The following CTNNA3 variants were observed in gnomAD, a reference collection of about 807,000 sequenced individuals.
The protein encoded by CTNNA3 is catenin alpha-3.
A neutral mutation model predicts 95.7 loss-of-function variants in CTNNA3; 76 were observed. The ratio of observed to expected loss-of-function variants is 0.79; its 90% confidence interval spans 0.66 to 0.96. The LOEUF is 0.96. Ranked by LOEUF, CTNNA3 falls within the 40% of genes least tolerant of loss-of-function variation. CTNNA3 has a pLI of 0.00. For missense variants in CTNNA3, 1,191 were observed against 1,089.8 expected (o/e 1.09, Z -1.31); for synonymous variants, 431 against 374.4 (o/e 1.15, Z -1.74).
At chr10:67,393,857 T>G (rs1423662086) in intron 5 of CTNNA3, among the ~76,000 whole-genome samples, 2 of 152,226 alleles carry the variant, frequency 1.3e-5, no homozygotes, top group East Asian at 3.9e-4. Flanking sequence ...TCTTCCAGAG[T>G]GCTTATTAGT....
chr10:67,702,731 C>G lies in CTNNA3; in HGVS notation c.-1-55217G>C, dbSNP rs867021200. 3.8e-4 allele frequency among the ~76,000 whole-genome samples: 58 copies of G among 151,958 alleles called. 1 individual carries two copies. In the Middle Eastern group the frequency reaches 0.01, roughly 27 times the overall value. On this transcript the variant is annotated intron_variant, in intron 1 of 17. Coordinates refer to the CTNNA3 transcript ENST00000684154. ...AATTAAAAGAACTAGAAAAGCAAGACCAAACACATTCAAAAGCTAGCAGAA... is the reference window on the plus strand; with the variant it reads ...AATTAAAAGAACTAGAAAAGCAAGAGCAAACACATTCAAAAGCTAGCAGAA...
chr10:66,408,321 A>T (rs2093073856), intron 11 of CTNNA3, among the ~76,000 whole-genome samples: 1 of 152,166 alleles, frequency 6.6e-6, no homozygotes, highest in Non-Finnish European at 1.5e-5. Flanking sequence ...TATTTTCCAA[A>T]TGGTGGCCTT....
chr10:66,688,846 C>T lies in CTNNA3; in HGVS notation c.1282-67062G>A, dbSNP rs184317201. Among the ~76,000 whole-genome samples, 1,125 of 151,316 alleles carry T rather than the reference C, an allele frequency of 7.4e-3. 15 individuals carry two copies. The highest frequency in any genetic ancestry group is 0.026 in the African/African-American group (1,068 of 41,090). ...AAAATTAGCCGGGCGTGGTGGCGGG[C>T]GCCTGTAATCCCAGCTACTGAGGAG... On this transcript the variant is annotated intron_variant, in intron 9 of 17. Transcript: ENST00000433211.
At chr10:66,072,606 A>C (rs1407888027) in intron 14 of CTNNA3, among the ~76,000 whole-genome samples, 1 of 151,860 alleles carries the variant, frequency 6.6e-6, no homozygotes, top group Non-Finnish European at 1.5e-5. Flanking sequence ...TACTGTGCCC[A>C]GCTAATTTTT....
At chr10:67,375,040 C>G (rs1827412079) in intron 5 of CTNNA3, among the ~76,000 whole-genome samples, 1 of 152,112 alleles carries the variant, frequency 6.6e-6, no homozygotes, top group Non-Finnish European at 1.5e-5. Context: ...CACCGACATA[C>G]TAAAAGTTGA....
intron 12 of CTNNA3, among the ~76,000 whole-genome samples, chr10:66,352,726 G>A (rs1487136489): frequency 2.0e-5 from 3 of 152,058 alleles, no homozygotes; most frequent in South Asian, 2.1e-4. Context: ...AATGAAAAGA[G>A]AGAAGCAAAT....
intron 15 of CTNNA3, among the ~76,000 whole-genome samples, chr10:65,991,977 A>G (rs2078556336): frequency 6.6e-6 from 1 of 152,070 alleles, no homozygotes; most frequent in African/African-American, 2.4e-5. Context: ...GAATTTTATC[A>G]GATGCTTTTA....
chr10:66,248,125 T>C (rs1398321889), intron 13 of CTNNA3, among the ~76,000 whole-genome samples: 1 of 152,148 alleles, frequency 6.6e-6, no homozygotes, highest in African/African-American at 2.4e-5. Flanking sequence ...AGCATTTCTA[T>C]TAGTTTTTTT....
At chr10:66,543,135 CTA>C (rs1310772915) in intron 10 of CTNNA3, among the ~76,000 whole-genome samples, 1 of 152,060 alleles carries the variant, frequency 6.6e-6, no homozygotes, top group Non-Finnish European at 1.5e-5. Flanking sequence ...GCTGCCCAGG[CTA>C]GAGTTCAATG....
intron 1 of CTNNA3, among the ~76,000 whole-genome samples, chr10:67,667,177 G>C (rs1589552322): frequency 6.6e-6 from 1 of 152,176 alleles, no homozygotes; most frequent in East Asian, 1.9e-4. Context: ...TATACTTCCT[G>C]TTATTACAGC....
intron 17 of CTNNA3, among the ~76,000 whole-genome samples, chr10:65,927,654 AG>A (rs2077187894): frequency 6.6e-6 from 1 of 152,218 alleles, no homozygotes; most frequent in Admixed American, 6.5e-5. Flanking sequence ...ATTGCTGAGA[AG>A]TATTACATTT....
chr10:66,487,199 T>A (rs1374237091), intron 11 of CTNNA3, among the ~76,000 whole-genome samples: 3 of 123,600 alleles, frequency 2.4e-5, no homozygotes, highest in Admixed American at 8.3e-5. Flanking sequence ...TTTTTTTTTT[T>A]TTTTTTTTTT....
At chr10:66,726,674 A>G (rs1374003600) in intron 9 of CTNNA3, among the ~76,000 whole-genome samples, 7 of 152,126 alleles carry the variant, frequency 4.6e-5, no homozygotes. Context: ...ATGAGGGCTG[A>G]CTTCAAATAT....
intron 5 of CTNNA3, among the ~76,000 whole-genome samples, chr10:67,305,378 T>TAA (rs562331483): frequency 0.08 from 8,439 of 105,414 alleles, 354 homozygotes; most frequent in African/African-American, 0.16. Context: ...AAAAAAAAAT[T>TAA]AAAAAAAAAA....
At chr10:65,966,993 G>T (rs922350562) in intron 16 of CTNNA3, among the ~76,000 whole-genome samples, 23 of 152,132 alleles carry the variant, frequency 1.5e-4, no homozygotes, top group Non-Finnish European at 2.9e-5. Context: ...GTCTCGCTCT[G>T]TTGCCCAGGC....
chr10:67,735,467 A>G (rs1841297747), intron 1 of CTNNA3, among the ~76,000 whole-genome samples: 1 of 152,048 alleles, frequency 6.6e-6, no homozygotes, highest in African/African-American at 2.4e-5. Flanking sequence ...AAAACAAAAA[A>G]CTCAGATCAA....
chr10:66,840,352 TCTCTCTCTCTCTCTCTCTCTCA>T (rs1369924540), intron 7 of CTNNA3, among the ~76,000 whole-genome samples: 8 of 123,122 alleles, frequency 6.5e-5, no homozygotes, highest in Non-Finnish European at 9.5e-5. Flanking sequence ...TCTCTCTCTC[TCTCTCTCTCTCTCTCTCTCTCA>T]CACACACACA....
intron 2 of CTNNA3, among the ~76,000 whole-genome samples, chr10:67,646,448 T>C (rs1839716449): frequency 6.6e-6 from 1 of 152,140 alleles, no homozygotes; most frequent in Admixed American, 6.6e-5. Flanking sequence ...ACTATTAAGG[T>C]ATCATCAGGG....
chr10:66,494,423 C>T (rs1487955059), intron 11 of CTNNA3, among the ~76,000 whole-genome samples: 2 of 152,130 alleles, frequency 1.3e-5, no homozygotes, highest in Non-Finnish European at 2.9e-5. Context: ...CAGTAGAAAA[C>T]ATAGTAAAAT....
Sources: gnomAD v4.1 joint callset for allele counts (sites outside exome capture counted in the v4.1 genomes callset) on GRCh38, gnomAD v4.1.1 for gene constraint, MANE v1.5 for transcripts, NCBI Gene and HGNC (gene_info 2026-07-23, HGNC 2026-07-21) for gene names.